ADAMTS6: variants seen among roughly 807,000 people sequenced by gnomAD.
The protein encoded by ADAMTS6 is A disintegrin and metalloproteinase with thrombospondin motifs 6.
In ADAMTS6, 23 loss-of-function variants were observed where a neutral mutation model predicts 144.3. That is an observed-to-expected ratio of 0.16 (90% CI 0.11 to 0.23). The LOEUF (loss-of-function observed/expected upper bound fraction) is 0.23. Ranked by LOEUF, ADAMTS6 falls within the 10% of genes least tolerant of loss-of-function variation. ADAMTS6 has a pLI of 1.00. For synonymous variants in ADAMTS6, 444 were observed against 457.5 expected (o/e 0.97, Z 0.38); for missense variants, 999 against 1,379.6 (o/e 0.72, Z 4.37).
chr5:65,246,873 T>C (rs1336746660), intron 14 of ADAMTS6, among the ~76,000 whole-genome samples: 2 of 152,152 alleles, frequency 1.3e-5, no homozygotes, highest in Non-Finnish European at 2.9e-5. Context: ...TGGAATTATA[T>C]ATGCTGGTTT....
At chr5:65,210,078 G>C (rs1041971661) in intron 20 of ADAMTS6, 1 of 221,068 alleles carries the variant, frequency 4.5e-6, no homozygotes, top group Non-Finnish European at 9.6e-6. Flanking sequence ...GTGAAGATTG[G>C]CCTGACAAAT....
intron 14 of ADAMTS6, among the ~76,000 whole-genome samples, chr5:65,260,164 G>T (rs1326722948): frequency 6.6e-6 from 1 of 152,140 alleles, no homozygotes; most frequent in East Asian, 1.9e-4. Context: ...GTTGGGCAGG[G>T]ATACAAAACA....
chr5:65,228,416 C>T (rs1479478860), intron 15 of ADAMTS6, among the ~76,000 whole-genome samples: 1 of 152,146 alleles, frequency 6.6e-6, no homozygotes, highest in East Asian at 1.9e-4. Flanking sequence ...TGTTCAGCTT[C>T]TTCTGATACA....
At chr5:65,231,806 C>G (rs540269557) in intron 15 of ADAMTS6, among the ~76,000 whole-genome samples, 49 of 152,132 alleles carry the variant, frequency 3.2e-4, no homozygotes, top group Admixed American at 3.2e-3. Flanking sequence ...AAAATTAAAT[C>G]TAAAAGTATC....
At chr5:65,259,980 T>C (rs1250579789) in intron 14 of ADAMTS6, among the ~76,000 whole-genome samples, 1 of 152,050 alleles carries the variant, frequency 6.6e-6, no homozygotes, top group African/African-American at 2.4e-5. Flanking sequence ...GGCTCAGTCA[T>C]TCAAGGGCTA....
At chr5:65,242,328 G>T in intron 14 of ADAMTS6, 122 bp from the exon 15 acceptor site, 1 of 575,042 alleles carries the variant, frequency 1.7e-6, no homozygotes, top group Admixed American at 3.6e-5. Context: ...TATAATTCTG[G>T]CATTTGCTTT....
At chr5:65,413,704 T>C (rs1435452160) in intron 7 of ADAMTS6, among the ~76,000 whole-genome samples, 1 of 152,096 alleles carries the variant, frequency 6.6e-6, no homozygotes, top group African/African-American at 2.4e-5. Flanking sequence ...TTTAGAGCAA[T>C]TAAATTAATA....
chr5:65,405,801 T>C (rs1184541240), intron 7 of ADAMTS6, among the ~76,000 whole-genome samples: 1 of 152,214 alleles, frequency 6.6e-6, no homozygotes, highest in Non-Finnish European at 1.5e-5. Flanking sequence ...TTCCATTTGT[T>C]CGTGTCCTCT....
chr5:65,359,776 A>G (rs1296318773), intron 7 of ADAMTS6, among the ~76,000 whole-genome samples: 1 of 152,102 alleles, frequency 6.6e-6, no homozygotes, highest in African/African-American at 2.4e-5. Flanking sequence ...AGAGACAAAT[A>G]CTGATTCGTG....
rs746666705 is a variant in ADAMTS6, at chr5:65,226,127, T to C, written c.2026A>G (p.Asn676Asp). The change falls in exon 16 of 25, where the codon AAT becomes GAT. Residue 676 changes from asparagine to aspartate, a missense_variant. Physicochemically the swap from Asn to Asp is conservative, Grantham distance 23 (BLOSUM62 1). Transcript: ENST00000381055. ...ATGCAGATATCCAGTGAATCCGCAT[T>C]GCACTGGGTCCCATCGATCACCGCA... ...APAVIDGTQCNADSLDICING... is the reference protein window; with the variant it reads ...APAVIDGTQCDADSLDICING... The C allele has an allele frequency of 6.2e-7, 1 of 1,613,424 alleles. No individual in the cohort carries two copies. Among genetic ancestry groups the C allele is most frequent in the Non-Finnish European group, 8.5e-7 (1 of 1,179,568 alleles).
intron 7 of ADAMTS6, among the ~76,000 whole-genome samples, chr5:65,387,039 T>C (rs1004958575): frequency 6.6e-6 from 1 of 152,224 alleles, no homozygotes; most frequent in African/African-American, 2.4e-5. Context: ...TATATTTCAG[T>C]CATTTAGAAA....
chr5:65,217,730 G>T (rs755162309), intron 18 of ADAMTS6, among the ~76,000 whole-genome samples: 5 of 152,090 alleles, frequency 3.3e-5, no homozygotes, highest in Non-Finnish European at 7.4e-5. Context: ...AAGAGAAATG[G>T]AATGATATTT....
At chr5:65,351,064 A>G (rs1045098721) in intron 7 of ADAMTS6, among the ~76,000 whole-genome samples, 4 of 152,196 alleles carry the variant, frequency 2.6e-5, no homozygotes, top group Non-Finnish European at 5.9e-5. Context: ...TTTCAAATCA[A>G]TATTCTAATT....
chr5:65,251,509 A>G (rs1333033356), intron 14 of ADAMTS6: 1 of 152,236 alleles, frequency 6.6e-6, no homozygotes, highest in African/African-American at 2.4e-5. Context: ...AGTAGCTTCA[A>G]GATGAAAAGT....
intron 15 of ADAMTS6, among the ~76,000 whole-genome samples, chr5:65,235,387 G>T (rs1758587781): frequency 1.3e-5 from 2 of 152,262 alleles, no homozygotes; most frequent in South Asian, 4.1e-4. Flanking sequence ...GAAAGGTAAG[G>T]CTGTTGTGAT....
At chr5:65,372,177 T>C (rs898607477) in intron 7 of ADAMTS6, among the ~76,000 whole-genome samples, 2 of 135,962 alleles carry the variant, frequency 1.5e-5, no homozygotes, top group African/African-American at 6.8e-5. Flanking sequence ...CATGCCAAAA[T>C]GTAAAGACCA....
intron 15 of ADAMTS6, among the ~76,000 whole-genome samples, chr5:65,239,245 A>T (rs1468998891): frequency 7.0e-6 from 1 of 143,328 alleles, no homozygotes; most frequent in Non-Finnish European, 1.5e-5. Flanking sequence ...GTGCACATGC[A>T]CCCTAGAACT....
chr5:65,183,648 A>C (rs1382947330), intron 22 of ADAMTS6, among the ~76,000 whole-genome samples: 1 of 143,504 alleles, frequency 7.0e-6, no homozygotes, highest in Non-Finnish European at 1.5e-5. Flanking sequence ...AAAAGATAAA[A>C]ATAAAAATAA....
At position 65,188,116 on chromosome 5, in the gene ADAMTS6, G is replaced by A. The variant is rs1373514195; in HGVS notation, c.2810C>T (p.Thr937Met). The A allele has an allele frequency of 4.3e-6, 7 of 1,614,116 alleles. No homozygotes were observed. The highest frequency in any genetic ancestry group is 2.2e-5 in the East Asian group (1 of 44,878). ...TGTTAAACAACCACTGTAGTCCAGCGTCTCCTCCTCAGAAGGTCCGATCTT... is the reference window on the plus strand; with the variant it reads ...TGTTAAACAACCACTGTAGTCCAGCATCTCCTCCTCAGAAGGTCCGATCTT... ...IRKIGPSEEE[T>M]LDYSGCLTHR... Residue 937 changes from threonine (T) to methionine (M), a missense_variant, in exon 22 of 25, where the codon ACG becomes ATG. This residue lies in a region of ADAMTS6 where 619 missense variants were observed against 837.0 expected (regional missense o/e 0.74). Transcript: ENST00000381055.
Sources: allele counts gnomAD v4.1 joint callset (sites outside exome capture counted in the v4.1 genomes callset), GRCh38; gene constraint gnomAD v4.1.1; regional missense constraint gnomAD v4.1.1; transcripts MANE v1.5; gene names NCBI Gene and HGNC (gene_info 2026-07-23, HGNC 2026-07-21).